EMC10: variants seen among roughly 807,000 people sequenced by gnomAD.
EMC10 encodes UPF0510 protein INM02.
In EMC10, 40 loss-of-function variants were observed where a neutral mutation model predicts 32.2. The observed-to-expected ratio is 1.24, with a 90% CI of 0.96 to 1.61. The LOEUF (loss-of-function observed/expected upper bound fraction) is 1.61, where lower values mean the gene tolerates loss of function less well. Ranked by LOEUF, EMC10 falls within the 40% of genes most tolerant of loss-of-function variation. The probability of loss-of-function intolerance (pLI) is 0.00; values close to 1 mark genes in which losing one functional copy is unlikely to be tolerated. For synonymous variants in EMC10, 178 were observed against 158.4 expected, an observed-to-expected ratio of 1.12 and a Z score of -0.93; for missense variants, 402 against 357.7, an observed-to-expected ratio of 1.12 and a Z score of -1.00.
chr19:50,478,834 G>T, intron 2 of EMC10, 123 bp from the exon 3 acceptor site: 1 of 682,610 alleles, frequency 1.5e-6, no homozygotes, highest in Non-Finnish European at 2.6e-6. Flanking sequence ...GGGCCCAGAT[G>T]GGGAGGGAAC....
chr19:50,483,269 G>T lies in EMC10; in HGVS notation c.*1010G>T. On this transcript the variant is annotated 3_prime_UTR_variant, in exon 7 of 7. Coordinates refer to ENST00000334976, the MANE Select transcript of EMC10 (RefSeq NM_206538.4). ...ACGTTATTCAGAAACCCAAGGAATG[G>T]CTGTCCCCATCCTCATGTGGCTGTG... The T allele has an allele frequency of 5.2e-6, 2 of 385,390 alleles. No homozygotes were observed. The highest frequency in any genetic ancestry group is 1.1e-5 in the Non-Finnish European group (2 of 187,638). The allele number at this position is 385,390 out of a possible 1,614,324, so 23.9% of individuals were successfully genotyped here.
intron 6 of EMC10, chr19:50,481,942 G>A (rs1195147720): frequency 6.2e-7 from 1 of 1,607,830 alleles, no homozygotes; most frequent in Non-Finnish European, 8.5e-7. Flanking sequence ...GCCACAGGAG[G>A]CCTGAGTGAG....
rs1374043795 is a variant in EMC10, at chr19:50,484,465, A to G, written c.*2206A>G. On this transcript the variant is annotated 3_prime_UTR_variant, in exon 7 of 7. Coordinates refer to ENST00000334976, the MANE Select transcript of EMC10 (RefSeq NM_206538.4). ...CATTGGGATCTTTATAAACCTGATT[A>G]TGTCCTTTCCCTCTAAGTCTCGGTT... The G allele has an allele frequency of 6.6e-6, 1 of 152,008 alleles. No homozygotes were observed. Among genetic ancestry groups the G allele is most frequent in the Non-Finnish European group, 1.5e-5 (1 of 68,034 alleles). The allele number at this position is 152,008 out of a possible 1,614,324, so 9.4% of individuals were successfully genotyped here.
At position 50,483,953 on chromosome 19, in the gene EMC10, G is replaced by A. The variant is rs1435173384; in HGVS notation, c.*1694G>A. On this transcript the variant is annotated 3_prime_UTR_variant, in exon 7 of 7. Transcript: ENST00000334976. ...GCAGGAGATAGCTTATGCTTTTTCT[G>A]TCTTCATTCCATGTGAATCCTGCTT... is the stretch of plus-strand genomic sequence containing the variant. 6.9e-6 allele frequency: 1 copy of A among 143,940 alleles called. No homozygotes were observed. Among genetic ancestry groups the A allele is most frequent in the Non-Finnish European group, 1.5e-5 (1 of 66,610 alleles). 8.9% of individuals were successfully genotyped at this position (143,940 alleles called of 1,614,324 possible).
Position 50,484,131 on chromosome 19 carries a change from G to T in EMC10, c.*1872G>T, listed in dbSNP as rs888999246. The T allele has an allele frequency of 2.1e-5, 3 of 142,668 alleles. No individual in the cohort carries two copies. Among genetic ancestry groups the T allele is most frequent in the Admixed American group, 7.6e-5 (1 of 13,124 alleles). The allele number at this position is 142,668 out of a possible 1,614,324, so 8.8% of individuals were successfully genotyped here. A position where few individuals can be genotyped will look rare whatever the true frequency, so the allele number is the denominator to read the frequency against. ...CAACCTCCGCTTCCTGAGTTTAAGC[G>T]ATTCTCCTGCATCAGCCTCCCAAAT... On this transcript the variant is annotated 3_prime_UTR_variant, in exon 7 of 7. Coordinates refer to ENST00000334976, the MANE Select transcript of EMC10 (RefSeq NM_206538.4).
At position 50,486,820 on chromosome 19, in the gene EMC10, A is replaced by G. The variant is rs1978372628; in HGVS notation, c.*4561A>G. The G allele has an allele frequency of 6.6e-6, 1 of 152,194 alleles. No homozygotes were observed. The highest frequency in any genetic ancestry group is 6.5e-5 in the Admixed American group (1 of 15,276). 9.4% of individuals were successfully genotyped at this position (152,194 alleles called of 1,614,324 possible). On this transcript the variant is annotated 3_prime_UTR_variant, in exon 7 of 7. Coordinates refer to ENST00000334976, the MANE Select transcript of EMC10 (RefSeq NM_206538.4). Reference sequence around the variant, plus strand: ...TTTCATACCAAGAAGTTTGCTGAGCATGATGTTTGTATATTGATTAGGAGT... The same window carrying G: ...TTTCATACCAAGAAGTTTGCTGAGCGTGATGTTTGTATATTGATTAGGAGT...
rs1978539598 is a variant in EMC10 at position 50,489,675 on chromosome 19, AC to A, written c.*7419del. 1 of 152,426 alleles carries A rather than the reference AC, an allele frequency of 6.6e-6. No individual in the cohort carries two copies. The highest frequency in any genetic ancestry group is 2.4e-5 in the African/African-American group (1 of 41,448). The allele number at this position is 152,426 out of a possible 1,614,324, so 9.4% of individuals were successfully genotyped here. Reference sequence around the variant, plus strand: ...CAGCCACCCCGGGGCCATCTCTGTGACCCAGGGAGAGAAAGGACAACGAATG... The same window carrying A: ...CAGCCACCCCGGGGCCATCTCTGTGACCAGGGAGAGAAAGGACAACGAATG... On this transcript the variant is annotated 3_prime_UTR_variant, in exon 7 of 7. Transcript: ENST00000334976.
In EMC10 at chr19:50,480,487, A is replaced by G; in HGVS notation, c.403-94A>G. On this transcript the variant is annotated intron_variant, in intron 4 of 6. Coordinates refer to ENST00000334976, the MANE Select transcript of EMC10 (RefSeq NM_206538.4). This position sits in a 1 kb window ranked among gnomAD's most constrained non-coding sequence, Gnocchi z 4.4. ...GGGAGCCATGGGAAGGTTTTGAAAA[A>G]TGCTCCGGGGGTCCTGTGGTGGGGG... The G allele has an allele frequency of 7.0e-7, 1 of 1,430,258 alleles. No individual in the cohort carries two copies. The highest frequency in any genetic ancestry group is 1.3e-5 in the South Asian group (1 of 74,290). The allele number at this position is 1,430,258 out of a possible 1,614,324, so 88.6% of individuals were successfully genotyped here. A position where few individuals can be genotyped will look rare whatever the true frequency, so the allele number is the denominator to read the frequency against.
intron 6 of EMC10, 82 bp from the exon 7 acceptor site, chr19:50,482,067 G>A: frequency 7.1e-7 from 1 of 1,409,140 alleles, no homozygotes; most frequent in South Asian, 1.1e-5. Context: ...TCCCCACCGT[G>A]GGTGGGTGAT....
chr19:50,480,347 C>T lies in EMC10; in HGVS notation c.402+132C>T. ...CCTGGGAGACTCAGACCTGGCCTTG[C>T]CTTCCGAGGCCTCCTGGTCTGGAGG... On this transcript the variant is annotated intron_variant, in intron 4 of 6. Transcript: ENST00000334976. The surrounding 1 kb of genome is among the most constrained non-coding windows in gnomAD (Gnocchi z 4.4). The T allele has an allele frequency of 9.8e-7, 1 of 1,019,570 alleles. No homozygotes were observed. Among genetic ancestry groups the T allele is most frequent in the Non-Finnish European group, 1.4e-6 (1 of 691,958 alleles). The allele number at this position is 1,019,570 out of a possible 1,614,324, so 63.2% of individuals were successfully genotyped here.
At chr19:50,478,392 A>C (rs2040263992) in intron 2 of EMC10, among the ~76,000 whole-genome samples, 1 of 152,182 alleles carries the variant, frequency 6.6e-6, no homozygotes, top group African/African-American at 2.4e-5. Context: ...TAGGCACCAC[A>C]CAAGGTCTCA....
chr19:50,480,676 GGGCTGCCGGGGCCATGAGGT>G lies in EMC10; in HGVS notation c.501_520del (p.Cys168GlyfsTer23). 3.1e-6 allele frequency: 5 copies of G among 1,601,384 alleles called. No individual in the cohort carries two copies. The highest frequency in any genetic ancestry group is 4.3e-6 in the Non-Finnish European group (5 of 1,175,066). The stretch of plus-strand genomic sequence containing the variant: ...GCGTGTCGGTGGTGACGCACCCCGG[GGGCTGCCGGGGCCATGAGGT>G]GGAGGACGTGGACCTGGAGCTGTTC... On this transcript the variant is annotated frameshift_variant, in exon 5 of 7. Coordinates refer to ENST00000334976, the MANE Select transcript of EMC10 (RefSeq NM_206538.4). LOFTEE classifies it high-confidence loss of function. The surrounding 1 kb of genome is among the most constrained non-coding windows in gnomAD (Gnocchi z 4.4).
Position 50,476,516 on chromosome 19 carries a change from C to T in EMC10, c.-29C>T, listed in dbSNP as rs111640675. Reference sequence around the variant, plus strand: ...TGCTCCGCGGCTCTTGGCTCACAGCCGTCCCTTCGCTGGTGGGAAGAAGCC... The same window carrying T: ...TGCTCCGCGGCTCTTGGCTCACAGCTGTCCCTTCGCTGGTGGGAAGAAGCC... On this transcript the variant is annotated 5_prime_UTR_variant, in exon 1 of 7. Coordinates refer to ENST00000334976, the MANE Select transcript of EMC10 (RefSeq NM_206538.4). 2.5e-6 allele frequency: 4 copies of T among 1,569,022 alleles called. No individual in the cohort carries two copies. Among genetic ancestry groups the T allele is most frequent in the East Asian group, 2.4e-5 (1 of 42,436 alleles).
At position 50,487,167 on chromosome 19, in the gene EMC10, T is replaced by C. The variant is rs963103497; in HGVS notation, c.*4908T>C. Reference sequence around the variant, plus strand: ...TAGCAGTTGCTGGTCTTCAGAAACATTGGGCACCAATTTTCTCATTTCTGA... The same window carrying C: ...TAGCAGTTGCTGGTCTTCAGAAACACTGGGCACCAATTTTCTCATTTCTGA... On this transcript the variant is annotated 3_prime_UTR_variant, in exon 7 of 7. Transcript: ENST00000334976. 4 of 152,190 alleles carry C rather than the reference T, an allele frequency of 2.6e-5. No homozygotes were observed. The highest frequency in any genetic ancestry group is 7.2e-5 in the African/African-American group (3 of 41,440). The allele number at this position is 152,190 out of a possible 1,614,324, so 9.4% of individuals were successfully genotyped here.
At chr19:50,482,119 C>CTT in intron 6 of EMC10, 30 bp from the exon 7 acceptor site, 1 of 1,423,060 alleles carries the variant, frequency 7.0e-7, no homozygotes, top group Admixed American at 1.7e-5. Flanking sequence ...CTTTCTGTGT[C>CTT]TGTCTGTCCA....
chr19:50,479,834 G>A (rs879644526), intron 3 of EMC10, among the ~76,000 whole-genome samples: 34 of 152,258 alleles, frequency 2.2e-4, no homozygotes, highest in East Asian at 5.8e-4. Context: ...CAGGGAAGGC[G>A]TCCTCAGGAC....
chr19:50,480,712 G>A lies in EMC10; in HGVS notation c.534G>A (p.Leu178=), dbSNP rs1247643923. 1 of 1,606,330 alleles carries A rather than the reference G, an allele frequency of 6.2e-7. No homozygotes were observed. Among genetic ancestry groups the A allele is most frequent in the Non-Finnish European group, 8.5e-7 (1 of 1,177,446 alleles). ...CRGHEVEDVD[L]ELFNTSVQLQ... is the part of the protein sequence containing the mutation. Reference sequence around the variant, plus strand: ...GCCATGAGGTGGAGGACGTGGACCTGGAGCTGTTCAACACCTCGGTGCAGC... The same window carrying A: ...GCCATGAGGTGGAGGACGTGGACCTAGAGCTGTTCAACACCTCGGTGCAGC... The change falls in exon 5 of 7, where the codon CTG becomes CTA. Residue 178 remains leucine (L), a synonymous_variant. Transcript: ENST00000334976. The surrounding 1 kb of genome is among the most constrained non-coding windows in gnomAD (Gnocchi z 4.4).
rs2040370223 is a variant in EMC10, at chr19:50,484,659, A to G, written c.*2400A>G. 1 of 152,096 alleles carries G rather than the reference A, an allele frequency of 6.6e-6. No homozygotes were observed. The highest frequency in any genetic ancestry group is 1.5e-5 in the Non-Finnish European group (1 of 68,018). The allele number at this position is 152,096 out of a possible 1,614,324, so 9.4% of individuals were successfully genotyped here. A position where few individuals can be genotyped will look rare whatever the true frequency, so the allele number is the denominator to read the frequency against. On this transcript the variant is annotated 3_prime_UTR_variant, in exon 7 of 7. Coordinates refer to ENST00000334976, the MANE Select transcript of EMC10 (RefSeq NM_206538.4). ...TGACCGGGTTATCCAGGGATGAAGTATGAAACTCAAAAGATAGAGTAGGTT... is the reference window on the plus strand; with the variant it reads ...TGACCGGGTTATCCAGGGATGAAGTGTGAAACTCAAAAGATAGAGTAGGTT...
Position 50,482,046 on chromosome 19 carries a change from C to T in EMC10, c.679-103C>T, listed in dbSNP as rs1340108993. The stretch of plus-strand genomic sequence containing the variant: ...GGCGCCCTCCCCTTACGCGACCTCC[C>T]CTCATGCCGGTCCCCACCGTGGGTG... On this transcript the variant is annotated intron_variant, in intron 6 of 6. Coordinates refer to ENST00000334976, the MANE Select transcript of EMC10 (RefSeq NM_206538.4). The T allele has an allele frequency of 4.7e-6, 7 of 1,489,396 alleles. No individual in the cohort carries two copies. In the African/African-American group the frequency reaches 5.5e-5, roughly 12 times the overall value. The allele number at this position is 1,489,396 out of a possible 1,614,324, so 92.3% of individuals were successfully genotyped here.
Sources: allele counts gnomAD v4.1 joint callset (sites outside exome capture counted in the v4.1 genomes callset), GRCh38; gene constraint gnomAD v4.1.1; non-coding constraint Gnocchi (gnomAD v3.1); transcripts MANE v1.5; gene names NCBI Gene and HGNC (gene_info 2026-07-23, HGNC 2026-07-21).